RTN1: variants seen among roughly 807,000 people sequenced by gnomAD.
The protein encoded by RTN1 is reticulon 1.
Under a neutral mutation model 65.5 loss-of-function variants are expected in RTN1, and 25 were observed. The ratio of observed to expected loss-of-function variants is 0.38; its 90% CI spans 0.28 to 0.53. The LOEUF is 0.53. Among genes scored for constraint, RTN1 ranks in the 20% least tolerant of loss-of-function variants. The probability of loss-of-function intolerance (pLI) is 0.79; values close to 1 mark genes in which losing one functional copy is unlikely to be tolerated. For synonymous variants in RTN1, 471 were observed against 447.6 expected (o/e 1.05, Z -0.66); for missense variants, 983 against 1,025.4 (o/e 0.96, Z 0.57).
chr14:59,800,805 A>G (rs556120986), intron 1 of RTN1, among the ~76,000 whole-genome samples: 3 of 152,344 alleles, frequency 2.0e-5, no homozygotes, highest in South Asian at 2.1e-4. Context: ...AATATCATAC[A>G]GAGAGATTAA....
intron 1 of RTN1, among the ~76,000 whole-genome samples, chr14:59,811,854 C>A (rs1886735000): frequency 6.6e-6 from 1 of 152,180 alleles, no homozygotes; most frequent in African/African-American, 2.4e-5. Flanking sequence ...CCTAACTGCA[C>A]ACATAAGCAT....
chr14:59,728,669 G>A (rs1884834807), intron 2 of RTN1, among the ~76,000 whole-genome samples: 1 of 152,098 alleles, frequency 6.6e-6, no homozygotes, highest in Non-Finnish European at 1.5e-5. Context: ...ATAACTAGTT[G>A]CATTTATCCA....
chr14:59,693,529 A>T (rs1255641498), intron 3 of RTN1, among the ~76,000 whole-genome samples: 1 of 152,020 alleles, frequency 6.6e-6, no homozygotes, highest in Non-Finnish European at 1.5e-5. Context: ...GTCCTATCAG[A>T]CCCCAAAGTC....
At position 59,819,414 on chromosome 14, in the gene RTN1, ACCCCCCCC is replaced by A. The variant is rs1566737477; in HGVS notation, c.241+50968_241+50975del. 1.6e-4 allele frequency among the ~76,000 whole-genome samples: 5 copies of A among 31,862 alleles called. 2 individuals are homozygous for A. The highest frequency in any genetic ancestry group is 2.7e-4 in the Non-Finnish European group (5 of 18,786). The allele number at this position is 31,862 out of a possible 152,430, so 20.9% of individuals were successfully genotyped here. On this transcript the variant is annotated intron_variant, in intron 1 of 8. Transcript: ENST00000267484. ...TGATTGGTGCATCCACACCACCACC[ACCCCCCCC>A]CCACCCCCCACCCCCCCCCCCCGGC...
At chr14:59,741,710 T>C (rs1885120808) in intron 2 of RTN1, among the ~76,000 whole-genome samples, 1 of 152,228 alleles carries the variant, frequency 6.6e-6, no homozygotes, top group African/African-American at 2.4e-5. Context: ...TGGTGTTCTC[T>C]GCCCCACTTC....
chr14:59,842,723 C>T lies in RTN1; in HGVS notation c.241+27667G>A, dbSNP rs147178811. On this transcript the variant is annotated intron_variant, in intron 1 of 8. Transcript: ENST00000267484. Reference sequence around the variant, plus strand: ...TTTCACAAACACACCAAACTATACCCTTAAAATGAGTGCATTTTATTACAT... The same window carrying T: ...TTTCACAAACACACCAAACTATACCTTTAAAATGAGTGCATTTTATTACAT... 1.2e-3 allele frequency among the ~76,000 whole-genome samples: 189 copies of T among 152,270 alleles called. 2 individuals carry two copies. Among genetic ancestry groups the T allele is most frequent in the African/African-American group, 4.5e-3 (185 of 41,556 alleles).
At chr14:59,850,871 G>A (rs915299460) in intron 1 of RTN1, among the ~76,000 whole-genome samples, 4 of 152,142 alleles carry the variant, frequency 2.6e-5, no homozygotes, top group African/African-American at 9.7e-5. Context: ...ATCATGGGTA[G>A]GTTTTTTTCT....
chr14:59,633,305 G>A (rs933035044), intron 3 of RTN1, among the ~76,000 whole-genome samples: 1 of 151,894 alleles, frequency 6.6e-6, no homozygotes, highest in East Asian at 1.9e-4. Context: ...ATGTGTAGGT[G>A]GTAAGAGAAA....
intron 3 of RTN1, among the ~76,000 whole-genome samples, chr14:59,722,406 G>A (rs1279863293): frequency 6.6e-6 from 1 of 152,184 alleles, no homozygotes; most frequent in Non-Finnish European, 1.5e-5. Flanking sequence ...TGACAGCAAG[G>A]ATAGGCAGGA....
At chr14:59,857,811 AAGGAGACT>A (rs1168725934) in intron 1 of RTN1, among the ~76,000 whole-genome samples, 1 of 152,192 alleles carries the variant, frequency 6.6e-6, no homozygotes, top group Non-Finnish European at 1.5e-5. Flanking sequence ...ATCCATAAGA[AAGGAGACT>A]AGAGTTCTGA....
chr14:59,834,296 G>A (rs1369734153), intron 1 of RTN1, among the ~76,000 whole-genome samples: 1 of 152,052 alleles, frequency 6.6e-6, no homozygotes, highest in African/African-American at 2.4e-5. Context: ...GTCACCTTTG[G>A]TTAGGCAAAG....
intron 3 of RTN1, among the ~76,000 whole-genome samples, chr14:59,698,081 A>G (rs1884101435): frequency 6.6e-6 from 1 of 152,188 alleles, no homozygotes; most frequent in Non-Finnish European, 1.5e-5. Flanking sequence ...CCTGCATGAT[A>G]CAACATGATT....
At chr14:59,641,775 A>G (rs1385666929) in intron 3 of RTN1, among the ~76,000 whole-genome samples, 3 of 152,228 alleles carry the variant, frequency 2.0e-5, no homozygotes, top group Non-Finnish European at 4.4e-5. Flanking sequence ...GTACAATACA[A>G]GTTTCTTACA....
intron 1 of RTN1, 109 bp from the exon 2 acceptor site, chr14:59,746,590 C>T: frequency 1.1e-6 from 1 of 947,962 alleles, no homozygotes; most frequent in African/African-American, 1.6e-5. Context: ...ATCCTTTCTC[C>T]TTAAGCCCTC....
intron 3 of RTN1, among the ~76,000 whole-genome samples, chr14:59,666,697 A>G (rs1883383104): frequency 6.6e-6 from 1 of 152,018 alleles, no homozygotes; most frequent in African/African-American, 2.4e-5. Context: ...GACCGCTAGC[A>G]AGACTAATAA....
At chr14:59,692,763 C>A (rs1883987828) in intron 3 of RTN1, among the ~76,000 whole-genome samples, 1 of 152,072 alleles carries the variant, frequency 6.6e-6, no homozygotes, top group Non-Finnish European at 1.5e-5. Flanking sequence ...AACTGCACAC[C>A]TACAGCCATC....
chr14:59,745,842 G>C lies in RTN1; in HGVS notation c.881C>G (p.Thr294Ser), dbSNP rs1228154104. Residue 294 changes from threonine (T) to serine (S), a missense_variant, in exon 2 of 9, where the codon ACC (threonine) becomes AGC (serine). This residue lies in a region of RTN1 where 818 missense variants were observed against 801.8 expected (regional missense o/e 1.02). Coordinates refer to ENST00000267484, the MANE Select transcript of RTN1 (RefSeq NM_021136.3). Reference protein sequence around the residue: ...TLTEIEPSVETTTQEKTPEKQ... With the variant: ...TLTEIEPSVESTTQEKTPEKQ... The stretch of plus-strand genomic sequence containing the variant: ...CTCAGGGGTCTTCTCTTGGGTAGTG[G>C]TTTCAACAGAAGGTTCTATTTCCGT... The C allele has an allele frequency of 1.2e-6, 2 of 1,613,960 alleles. No homozygotes were observed. Among genetic ancestry groups the C allele is most frequent in the Non-Finnish European group, 1.7e-6 (2 of 1,180,018 alleles).
At chr14:59,686,173 T>C (rs958708482) in intron 3 of RTN1, among the ~76,000 whole-genome samples, 6 of 152,164 alleles carry the variant, frequency 3.9e-5, no homozygotes, top group African/African-American at 1.4e-4. Context: ...CCAGTCAAAA[T>C]ACATTAAAGA....
At chr14:59,703,793 T>A (rs966924821) in intron 3 of RTN1, among the ~76,000 whole-genome samples, 1 of 152,218 alleles carries the variant, frequency 6.6e-6, no homozygotes, top group African/African-American at 2.4e-5. Flanking sequence ...GCTATCTATC[T>A]ATCTATATGG....
Sources: allele counts gnomAD v4.1 joint callset (sites outside exome capture counted in the v4.1 genomes callset), GRCh38; gene constraint gnomAD v4.1.1; regional missense constraint gnomAD v4.1.1; transcripts MANE v1.5; gene names NCBI Gene and HGNC (gene_info 2026-07-23, HGNC 2026-07-21).